Variants in ADAM19 observed in about 807,000 individuals in gnomAD.
ADAM19 encodes the protein disintegrin and metalloproteinase domain-containing protein 19.
In ADAM19, 65 loss-of-function variants were observed where a neutral mutation model predicts 114.7. The observed-to-expected ratio is 0.57, with a 90% CI of 0.46 to 0.70. ADAM19 has a LOEUF of 0.70. ADAM19 is among the 30% of genes least tolerant of loss of function. The pLI is 0.00. For missense variants in ADAM19, 1,063 were observed against 1,204.7 expected (o/e 0.88, Z 1.74); for synonymous variants, 466 against 460.5 (o/e 1.01, Z -0.15).
chr5:157,560,734 G>T (rs1757488293), intron 3 of ADAM19, among the ~76,000 whole-genome samples: 2 of 152,178 alleles, frequency 1.3e-5, no homozygotes, highest in Non-Finnish European at 2.9e-5. Context: ...GCATAGAAAA[G>T]GTCCAGGGTT....
intron 14 of ADAM19, among the ~76,000 whole-genome samples, chr5:157,495,207 T>C (rs904107756): frequency 3.3e-5 from 5 of 152,192 alleles, no homozygotes; most frequent in African/African-American, 4.8e-5. Flanking sequence ...TTCACCATCT[T>C]GGCCAGGCTG....
intron 4 of ADAM19, among the ~76,000 whole-genome samples, chr5:157,533,745 T>C (rs1187464197): frequency 6.6e-6 from 1 of 151,978 alleles, no homozygotes; most frequent in Admixed American, 6.6e-5. Flanking sequence ...GGTGGGCGAA[T>C]CATGAGGTCA....
chr5:157,538,757 C>T (rs1397844679), intron 3 of ADAM19, among the ~76,000 whole-genome samples: 1 of 152,168 alleles, frequency 6.6e-6, no homozygotes, highest in Non-Finnish European at 1.5e-5. Context: ...GGCCAGGCAA[C>T]TTCAAGAAAT....
chr5:157,520,149 T>A, intron 5 of ADAM19, 118 bp from the exon 6 acceptor site: 1 of 983,984 alleles, frequency 1.0e-6, no homozygotes, highest in Non-Finnish European at 1.5e-6. Flanking sequence ...CATTGGTTCT[T>A]AACCTAATTA....
intron 14 of ADAM19, among the ~76,000 whole-genome samples, chr5:157,495,255 C>T (rs1755321265): frequency 6.6e-6 from 1 of 152,140 alleles, no homozygotes; most frequent in Admixed American, 6.5e-5. Context: ...CCCGCCTCGG[C>T]CTCCCAAAGT....
Position 157,478,604 on chromosome 5 carries a change from G to T in ADAM19, c.*2345C>A. The T allele has an allele frequency of 1.0e-6, 1 of 985,814 alleles. No individual in the cohort carries two copies. The allele number at this position is 985,814 out of a possible 1,614,324, so 61.1% of individuals were successfully genotyped here. A position where few individuals can be genotyped will look rare whatever the true frequency, so the allele number is the denominator to read the frequency against. On this transcript the variant is annotated 3_prime_UTR_variant, in exon 23 of 23. Transcript: ENST00000257527. ...CTGGGCACTGGAAAGAAAAGGGGAT[G>T]CATAATGGCCAGTCTTCCTCCTGGG...
At chr5:157,502,358 C>T (rs1755591945) in intron 12 of ADAM19, among the ~76,000 whole-genome samples, 1 of 152,192 alleles carries the variant, frequency 6.6e-6, no homozygotes, top group African/African-American at 2.4e-5. Flanking sequence ...GCACTTCCTA[C>T]ATCCCCTTTC....
chr5:157,520,831 A>G (rs989738350), intron 5 of ADAM19, among the ~76,000 whole-genome samples: 2 of 152,216 alleles, frequency 1.3e-5, no homozygotes, highest in African/African-American at 4.8e-5. Flanking sequence ...GATTATAGAT[A>G]CTAGCACTGA....
intron 3 of ADAM19, among the ~76,000 whole-genome samples, chr5:157,552,946 T>C (rs1013442255): frequency 2.6e-5 from 4 of 152,088 alleles, no homozygotes; most frequent in Non-Finnish European, 5.9e-5. Flanking sequence ...GACAGAAAGA[T>C]CAACATCCCA....
At chr5:157,532,652 C>T (rs1756658032) in intron 4 of ADAM19, among the ~76,000 whole-genome samples, 1 of 152,276 alleles carries the variant, frequency 6.6e-6, no homozygotes, top group Non-Finnish European at 1.5e-5. Context: ...CAGTTGCAGA[C>T]ATGGAAGCTT....
chr5:157,528,009 T>C (rs1294826828), intron 5 of ADAM19, among the ~76,000 whole-genome samples: 1 of 152,124 alleles, frequency 6.6e-6, no homozygotes, highest in African/African-American at 2.4e-5. Context: ...TCTCCAATCA[T>C]GGGAGCATGT....
chr5:157,566,337 C>T (rs11465258), intron 2 of ADAM19: 46 of 152,224 alleles, frequency 3.0e-4, no homozygotes, highest in African/African-American at 9.6e-4. Flanking sequence ...AAATACACTT[C>T]GCAAAGGGAA....
chr5:157,520,365 G>A (rs1756248254), intron 5 of ADAM19, among the ~76,000 whole-genome samples: 1 of 132,914 alleles, frequency 7.5e-6, no homozygotes, highest in South Asian at 2.5e-4. Flanking sequence ...AAAGTTCTAA[G>A]AAGGCTGTAC....
intron 15 of ADAM19, among the ~76,000 whole-genome samples, chr5:157,493,687 T>C (rs1481900005): frequency 1.3e-5 from 2 of 152,162 alleles, no homozygotes; most frequent in Non-Finnish European, 2.9e-5. Flanking sequence ...GTCTGCCTCA[T>C]AGGAGTCTAA....
At chr5:157,555,220 T>TA (rs1318308016) in intron 3 of ADAM19, among the ~76,000 whole-genome samples, 2 of 152,206 alleles carry the variant, frequency 1.3e-5, no homozygotes, top group African/African-American at 4.8e-5. Context: ...CAAATAGGGC[T>TA]AATATAGGAA....
chr5:157,518,770 T>C (rs1475745597), intron 7 of ADAM19, 53 bp downstream of exon 7: 31 of 1,337,762 alleles, frequency 2.3e-5, no homozygotes, highest in Non-Finnish European at 3.3e-5. Context: ...GAGCCTGGAA[T>C]GGAAGCTATC....
At chr5:157,516,935 A>AACAC (rs10570308) in intron 7 of ADAM19, among the ~76,000 whole-genome samples, 3,262 of 150,344 alleles carry the variant, frequency 0.022, 120 homozygotes, top group African/African-American at 0.07. Context: ...GAAAACATAG[A>AACAC]ACACACACAC....
At chr5:157,520,254 G>A (rs1756241930) in intron 5 of ADAM19, among the ~76,000 whole-genome samples, 1 of 152,014 alleles carries the variant, frequency 6.6e-6, no homozygotes, top group Non-Finnish European at 1.5e-5. Context: ...CATGAGCTCA[G>A]GGCACTTGGA....
intron 10 of ADAM19, 151 bp from the exon 11 acceptor site, chr5:157,505,959 A>G (rs1414940370): frequency 5.0e-6 from 4 of 800,710 alleles, no homozygotes; most frequent in Non-Finnish European, 7.5e-6. Context: ...TCTGACAGCA[A>G]GGCTGAATCT....
Sources: allele counts gnomAD v4.1 joint callset (sites outside exome capture counted in the v4.1 genomes callset), GRCh38; gene constraint gnomAD v4.1.1; transcripts MANE v1.5; gene names NCBI Gene and HGNC (gene_info 2026-07-23, HGNC 2026-07-21).